Variants in TENM3 observed in about 807,000 individuals in gnomAD.
TENM3 encodes teneurin-3.
In TENM3, 63 loss-of-function variants were observed where a neutral mutation model predicts 255.1. The ratio of observed to expected loss-of-function variants is 0.25; its 90% CI spans 0.20 to 0.30. The LOEUF is 0.30. TENM3 is among the 10% of genes least tolerant of loss of function. The pLI, the probability that TENM3 is intolerant of heterozygous loss-of-function variation, is 1.00. For missense variants in TENM3, 2,929 were observed against 3,461.1 expected, an observed-to-expected ratio of 0.85 and a Z score of 3.86; for synonymous variants, 1,306 against 1,322.3, an observed-to-expected ratio of 0.99 and a Z score of 0.27.
At chr4:182,777,566 T>TTTTA in intron 24 of TENM3, among the ~76,000 whole-genome samples, 1 of 129,070 alleles carries the variant, frequency 7.7e-6, no homozygotes, top group East Asian at 2.2e-4. Context: ...TTTTTTTTTT[T>TTTTA]TTTTTTTTTG....
the TENM3 span, among the ~76,000 whole-genome samples, chr4:182,134,156 T>TTA: frequency 1.3e-5 from 2 of 152,192 alleles, no homozygotes; most frequent in African/African-American, 4.8e-5. Context: ...ATTATCAACA[T>TTA]TATTCCAAAA....
chr4:181,499,960 T>G, the TENM3 span, among the ~76,000 whole-genome samples: 1 of 152,210 alleles, frequency 6.6e-6, no homozygotes, highest in Admixed American at 6.5e-5. Context: ...CTTTCTTAAT[T>G]TGGCATTAGT....
At chr4:181,763,524 T>C in the TENM3 span, among the ~76,000 whole-genome samples, 1 of 152,220 alleles carries the variant, frequency 6.6e-6, no homozygotes, top group Non-Finnish European at 1.5e-5. Flanking sequence ...AAACATACTT[T>C]GTAATGTGAA....
the TENM3 span, among the ~76,000 whole-genome samples, chr4:181,714,382 G>T: frequency 6.6e-6 from 1 of 152,180 alleles, no homozygotes; most frequent in Admixed American, 6.5e-5. Context: ...GGTGGAGGCT[G>T]CAATGAGCTA....
At chr4:181,765,706 A>G in the TENM3 span, among the ~76,000 whole-genome samples, 2 of 152,152 alleles carry the variant, frequency 1.3e-5, no homozygotes, top group Admixed American at 1.3e-4. Context: ...CACAATAAAC[A>G]CTTATATTGC....
chr4:182,597,832 A>AC (rs1285994901), intron 3 of TENM3, among the ~76,000 whole-genome samples: 1 of 152,126 alleles, frequency 6.6e-6, no homozygotes, highest in Admixed American at 6.5e-5. Flanking sequence ...GCTAGCATTG[A>AC]CCCTAACTGA....
chr4:182,093,886 G>T, the TENM3 span, among the ~76,000 whole-genome samples: 1 of 152,028 alleles, frequency 6.6e-6, no homozygotes, highest in Non-Finnish European at 1.5e-5. Flanking sequence ...AAATCAAAAA[G>T]GAAAAATGCA....
chr4:182,002,892 G>A, the TENM3 span, among the ~76,000 whole-genome samples: 1 of 151,900 alleles, frequency 6.6e-6, no homozygotes, highest in African/African-American at 2.4e-5. Flanking sequence ...CTAAAACACG[G>A]CCTTTATACG....
At chr4:181,605,209 G>A in the TENM3 span, among the ~76,000 whole-genome samples, 1 of 151,810 alleles carries the variant, frequency 6.6e-6, no homozygotes, top group Non-Finnish European at 1.5e-5. Context: ...ACTTCGCGAG[G>A]CCGAAGTGGG....
chr4:182,463,268 G>A (rs1040764264), intron 3 of TENM3, among the ~76,000 whole-genome samples: 5 of 152,050 alleles, frequency 3.3e-5, no homozygotes, highest in Non-Finnish European at 7.4e-5. Context: ...AAAAAACTCG[G>A]TGTTACTCTG....
chr4:181,919,884 T>TC, the TENM3 span, among the ~76,000 whole-genome samples: 1 of 50,772 alleles, frequency 2.0e-5, no homozygotes, highest in Non-Finnish European at 3.5e-5. Flanking sequence ...CCCTCCCCCC[T>TC]CCCCCCACCC....
At chr4:182,209,817 A>G (rs1561200114) in intron 1 of TENM3, among the ~76,000 whole-genome samples, 1 of 151,994 alleles carries the variant, frequency 6.6e-6, no homozygotes, top group Admixed American at 6.6e-5. Context: ...ATGGGTATTC[A>G]ATTCTCAAGA....
At chr4:181,787,163 C>A in the TENM3 span, among the ~76,000 whole-genome samples, 2 of 152,172 alleles carry the variant, frequency 1.3e-5, no homozygotes, top group Non-Finnish European at 2.9e-5. Context: ...GTTCCACCCC[C>A]TCTGGTTTGA....
intron 22 of TENM3, among the ~76,000 whole-genome samples, chr4:182,772,355 G>A (rs1764314453): frequency 6.6e-6 from 1 of 152,060 alleles, no homozygotes; most frequent in South Asian, 2.1e-4. Context: ...TTCCTGCCCT[G>A]GTAACCTGTC....
chr4:182,499,966 G>A (rs949471980), intron 3 of TENM3, among the ~76,000 whole-genome samples: 1 of 152,124 alleles, frequency 6.6e-6, no homozygotes, highest in Admixed American at 6.6e-5. Context: ...TTTCCATCAT[G>A]TACCTCCTGA....
chr4:182,735,304 C>T (rs1451280817), intron 16 of TENM3, among the ~76,000 whole-genome samples: 1 of 152,144 alleles, frequency 6.6e-6, no homozygotes, highest in Non-Finnish European at 1.5e-5. Context: ...TACCACATCG[C>T]GTCCCTCTTC....
intron 7 of TENM3, among the ~76,000 whole-genome samples, chr4:182,676,102 C>T (rs1755639739): frequency 6.6e-6 from 1 of 152,182 alleles, no homozygotes; most frequent in African/African-American, 2.4e-5. Context: ...TTCTCTGTTT[C>T]TGGAGAACAT....
chr4:182,114,676 G>T, the TENM3 span, among the ~76,000 whole-genome samples: 1 of 152,070 alleles, frequency 6.6e-6, no homozygotes, highest in Non-Finnish European at 1.5e-5. Context: ...GTTTTCTTTA[G>T]TTGAGTTAGA....
intron 22 of TENM3, among the ~76,000 whole-genome samples, chr4:182,757,654 A>G (rs1038519709): frequency 1.3e-5 from 2 of 152,212 alleles, no homozygotes; most frequent in African/African-American, 4.8e-5. Context: ...TTTTAAAGAA[A>G]TGATAGTGCA....
Sources: allele counts gnomAD v4.1 joint callset (sites outside exome capture counted in the v4.1 genomes callset), GRCh38; gene constraint gnomAD v4.1.1; transcripts MANE v1.5; gene names NCBI Gene and HGNC (gene_info 2026-07-23, HGNC 2026-07-21).